UNC80: variants seen among roughly 807,000 people sequenced by gnomAD.
UNC80 encodes the protein protein unc-80 homolog.
In UNC80, 164 loss-of-function variants were observed where a neutral mutation model predicts 384.6. The ratio of observed to expected loss-of-function variants is 0.43; its 90% CI spans 0.38 to 0.49. The LOEUF is 0.49. Among genes scored for constraint, UNC80 ranks in the 20% least tolerant of loss-of-function variants. UNC80 has a pLI of 0.00. For missense variants in UNC80, 3,330 were observed against 4,143.0 expected, an observed-to-expected ratio of 0.80 and a Z score of 5.39; for synonymous variants, 1,486 against 1,527.8, an observed-to-expected ratio of 0.97 and a Z score of 0.64.
intron 29 of UNC80, among the ~76,000 whole-genome samples, chr2:209,908,357 A>G (rs1056607992): frequency 1.3e-5 from 2 of 152,200 alleles, no homozygotes; most frequent in African/African-American, 4.8e-5. Context: ...CTACATTTCA[A>G]TGCTGAGGGA....
At chr2:209,809,929 G>A (rs1427002050) in intron 7 of UNC80, among the ~76,000 whole-genome samples, 2 of 152,100 alleles carry the variant, frequency 1.3e-5, no homozygotes, top group Non-Finnish European at 2.9e-5. Flanking sequence ...AGCTGTTTGA[G>A]CTACAGGACA....
chr2:209,938,583 T>A (rs1017074737), intron 42 of UNC80, among the ~76,000 whole-genome samples: 1 of 151,958 alleles, frequency 6.6e-6, no homozygotes, highest in African/African-American at 2.4e-5. Context: ...ATATAAACAA[T>A]TCCTAAAACA....
intron 41 of UNC80, 70 bp downstream of exon 41, chr2:209,937,003 C>G (rs191565207): frequency 9.1e-7 from 1 of 1,096,158 alleles, no homozygotes; most frequent in Non-Finnish European, 1.4e-6. Flanking sequence ...GAGGGTGGCT[C>G]ACAGTCAGGG....
intron 61 of UNC80, among the ~76,000 whole-genome samples, chr2:209,989,723 A>G (rs1253245873): frequency 6.6e-6 from 1 of 152,200 alleles, no homozygotes; most frequent in Non-Finnish European, 1.5e-5. Flanking sequence ...GTCATACATC[A>G]CAAATCCTGC....
At chr2:209,966,906 C>A (rs994146794) in intron 51 of UNC80, among the ~76,000 whole-genome samples, 8 of 152,138 alleles carry the variant, frequency 5.3e-5, no homozygotes, top group Non-Finnish European at 1.2e-4. Flanking sequence ...GCCTGAAGAA[C>A]CCCTTGGGTT....
In UNC80 at chr2:209,930,637, G is replaced by C; in HGVS notation, c.5908-331G>C. On this transcript the variant is annotated intron_variant, in intron 37 of 64. Transcript: ENST00000673920. ...CCTCCTCATAGTCCCGTCATATCAG[G>C]CTACCATGGCCAATAGAGTTAACTA... Among the ~76,000 whole-genome samples, 2 of 152,066 alleles carry C rather than the reference G, an allele frequency of 1.3e-5. 1 individual carries two copies. Among genetic ancestry groups the C allele is most frequent in the Non-Finnish European group, 2.9e-5 (2 of 68,012 alleles).
At chr2:209,918,099 C>A in intron 32 of UNC80, 141 bp downstream of exon 32, 1 of 773,244 alleles carries the variant, frequency 1.3e-6, no homozygotes, top group Non-Finnish European at 2.0e-6. Context: ...ACCTAACATA[C>A]ATGAATGCAT....
At chr2:209,827,212 A>G (rs1361638081) in intron 14 of UNC80, among the ~76,000 whole-genome samples, 3 of 152,138 alleles carry the variant, frequency 2.0e-5, no homozygotes, top group Admixed American at 6.6e-5. Context: ...GCACATGTGT[A>G]TATGATTTTT....
At position 209,954,232 on chromosome 2, in the gene UNC80, C is replaced by G. The variant is rs1357291476; in HGVS notation, c.7419C>G (p.Ser2473=). The G allele has an allele frequency of 6.4e-7, 1 of 1,550,954 alleles. No homozygotes were observed. The highest frequency in any genetic ancestry group is 8.7e-7 in the Non-Finnish European group (1 of 1,146,888). The change falls in exon 48 of 65, where the codon TCC becomes TCG. Residue 2473 remains serine, a synonymous_variant. Transcript: ENST00000673920. ...EIAATAALAT[S]LQALLYSVEV... ...CGGCCACTGCTGCTCTTGCGACGTC[C>G]CTACAGGCCCTTTTGTACAGTGTAG...
At chr2:209,979,181 A>G (rs1248442962) in intron 59 of UNC80, among the ~76,000 whole-genome samples, 5 of 152,286 alleles carry the variant, frequency 3.3e-5, no homozygotes, top group Admixed American at 2.0e-4. Flanking sequence ...CCCGGGAGGC[A>G]GAGGTTGCAG....
At chr2:209,911,427 CACA>C (rs1024052096) in intron 29 of UNC80, among the ~76,000 whole-genome samples, 3 of 152,224 alleles carry the variant, frequency 2.0e-5, no homozygotes, top group Non-Finnish European at 4.4e-5. Flanking sequence ...CTTTAGAAAG[CACA>C]ACAAGAGCCC....
intron 21 of UNC80, among the ~76,000 whole-genome samples, chr2:209,847,221 C>T (rs958755569): frequency 6.6e-6 from 1 of 151,812 alleles, no homozygotes; most frequent in African/African-American, 2.4e-5. Flanking sequence ...ACCAACAGAC[C>T]CATACACCCC....
intron 36 of UNC80, 25 bp from the exon 37 acceptor site, chr2:209,929,846 G>A: frequency 1.4e-6 from 2 of 1,465,830 alleles, no homozygotes; most frequent in South Asian, 1.3e-5. Flanking sequence ...AAAGACAAAT[G>A]TTCAACTTTC....
Position 209,941,464 on chromosome 2 carries a change from A to G in UNC80, c.6890A>G (p.Gln2297Arg). ...CACCTCTTCTCTCTCAGCGGCTACC[A>G]GTGGATTCTCCCCACCATGCTGCAG... is the stretch of plus-strand genomic sequence containing the variant. The part of the protein sequence containing the change: ...FNHLFSLSGY[Q>R]WILPTMLQVY... The change falls in exon 44 of 65, where the codon CAG (glutamine) becomes CGG (arginine). Residue 2297 changes from glutamine (Q) to arginine (R), a missense_variant. Gln to Arg is a conservative substitution (Grantham distance 43). Transcript: ENST00000673920. The G allele has an allele frequency of 1.9e-6, 3 of 1,539,598 alleles. No individual in the cohort carries two copies. The highest frequency in any genetic ancestry group is 1.2e-5 in the South Asian group (1 of 83,714).
intron 35 of UNC80, among the ~76,000 whole-genome samples, chr2:209,923,724 A>G (rs1037990756): frequency 1.3e-5 from 2 of 152,186 alleles, no homozygotes; most frequent in Non-Finnish European, 2.9e-5. Context: ...TGATGTTAAC[A>G]TAGATACTCC....
At chr2:209,969,660 C>T in intron 52 of UNC80, 108 bp from the exon 53 acceptor site, 1 of 1,428,372 alleles carries the variant, frequency 7.0e-7, no homozygotes, top group Non-Finnish European at 9.4e-7. Context: ...AACTTCATCC[C>T]AGAGACACAT....
chr2:209,972,117 C>A, intron 54 of UNC80, 84 bp from the exon 55 acceptor site: 1 of 1,465,084 alleles, frequency 6.8e-7, no homozygotes, highest in South Asian at 1.4e-5. Flanking sequence ...CAGGGAGTCA[C>A]CGTCTCCATC....
chr2:209,842,570 C>G, intron 21 of UNC80, 124 bp downstream of exon 21: 1 of 705,956 alleles, frequency 1.4e-6, no homozygotes, highest in South Asian at 1.9e-5. Flanking sequence ...TCATACATGC[C>G]TTTTACCACT....
chr2:209,951,062 A>T (rs1003511746), intron 47 of UNC80, among the ~76,000 whole-genome samples: 4 of 151,810 alleles, frequency 2.6e-5, no homozygotes, highest in African/African-American at 9.7e-5. Flanking sequence ...GATCCCAGCT[A>T]CTCAAGAGGC....
Sources: gnomAD v4.1 joint callset for allele counts (sites outside exome capture counted in the v4.1 genomes callset) on GRCh38, gnomAD v4.1.1 for gene constraint, MANE v1.5 for transcripts, NCBI Gene and HGNC (gene_info 2026-07-23, HGNC 2026-07-21) for gene names.